The following ACADL variants were observed in gnomAD, a reference collection of about 807,000 sequenced individuals.
ACADL encodes the protein acyl-CoA dehydrogenase long chain, also known as long-chain specific acyl-CoA dehydrogenase, mitochondrial.
In ACADL, 60 loss-of-function variants were observed where a neutral mutation model predicts 56.9. The ratio of observed to expected loss-of-function variants is 1.05; its 90% CI spans 0.86 to 1.31. The LOEUF is 1.31. Among genes scored for constraint, ACADL ranks in the 50% most tolerant of loss-of-function variants. The pLI is 0.00. For missense variants in ACADL, 484 were observed against 525.5 expected (o/e 0.92, Z 0.77); for synonymous variants, 158 against 179.7 (o/e 0.88, Z 0.97).
chr2:210,220,597 C>T (rs775208248), intron 2 of ACADL, 50 bp downstream of exon 2: 2 of 1,557,322 alleles, frequency 1.3e-6, no homozygotes, highest in East Asian at 2.3e-5. Flanking sequence ...AGGAAATGGT[C>T]CTATAATACC....
At chr2:210,200,882 A>G (rs1216943330) in intron 8 of ACADL, among the ~76,000 whole-genome samples, 1 of 152,200 alleles carries the variant, frequency 6.6e-6, no homozygotes, top group Non-Finnish European at 1.5e-5. Context: ...GATAACAGCT[A>G]ATTTTAATGT....
chr2:210,210,995 C>G (rs981503550), intron 4 of ACADL, among the ~76,000 whole-genome samples: 54 of 151,692 alleles, frequency 3.6e-4, no homozygotes, highest in African/African-American at 1.2e-3. Context: ...CAAACCTGCT[C>G]TAAGTGTAGA....
At position 210,225,428 on chromosome 2, in the gene ACADL, G is replaced by T; in HGVS notation, c.-165C>A. 2 of 694,768 alleles carry T rather than the reference G, an allele frequency of 2.9e-6. No individual in the cohort carries two copies. The highest frequency in any genetic ancestry group is 2.3e-6 in the Non-Finnish European group (1 of 429,768). 43.0% of individuals were successfully genotyped at this position (694,768 alleles called of 1,614,324 possible). ...CTTCCGGAGCCCCAACCACGCCACA[G>T]GCTGGTCGCGAGGGAATACGCCCGT... On this transcript the variant is annotated 5_prime_UTR_variant, in exon 1 of 11. It adds an upstream start codon to the 5' untranslated region. Transcript: ENST00000233710.
intron 3 of ACADL, 145 bp from the exon 4 acceptor site, chr2:210,216,656 T>G (rs921638080): frequency 6.3e-6 from 5 of 787,412 alleles, no homozygotes; most frequent in Non-Finnish European, 8.0e-6. Context: ...GTGTTTTCTC[T>G]TTTTGTTTTT....
chr2:210,193,048 C>T (rs1308258924), intron 9 of ACADL, among the ~76,000 whole-genome samples, 158 bp from the exon 10 acceptor site: 10 of 152,170 alleles, frequency 6.6e-5, no homozygotes, highest in Non-Finnish European at 1.5e-4. Flanking sequence ...ATAAAAATTA[C>T]ATATGAAATA....
At chr2:210,204,469 C>A in intron 7 of ACADL, 112 bp downstream of exon 7, 1 of 808,636 alleles carries the variant, frequency 1.2e-6, no homozygotes, top group Admixed American at 2.1e-5. Context: ...AGCTATTTCA[C>A]AAGTTTTGCA....
intron 9 of ACADL, 68 bp from the exon 10 acceptor site, chr2:210,192,958 C>T (rs1394735144): frequency 8.5e-7 from 1 of 1,180,104 alleles, no homozygotes; most frequent in Non-Finnish European, 1.3e-6. Flanking sequence ...GCTTCAAAAC[C>T]AGAAAACTAA....
intron 5 of ACADL, among the ~76,000 whole-genome samples, chr2:210,207,645 C>T (rs1419180344): frequency 6.6e-6 from 1 of 152,130 alleles, no homozygotes. Flanking sequence ...CTGTTTTTAT[C>T]TCTCTCTCTT....
chr2:210,191,031 C>T (rs1187545718), intron 10 of ACADL, among the ~76,000 whole-genome samples: 1 of 151,850 alleles, frequency 6.6e-6, no homozygotes, highest in Admixed American at 6.6e-5. Flanking sequence ...ATTCTCATGC[C>T]TCTGGAGTAG....
chr2:210,222,951 A>G (rs952358715), intron 1 of ACADL, among the ~76,000 whole-genome samples: 2 of 152,230 alleles, frequency 1.3e-5, no homozygotes, highest in African/African-American at 4.8e-5. Context: ...AGTTTCCCTC[A>G]GGAAAAAAAT....
intron 4 of ACADL, among the ~76,000 whole-genome samples, chr2:210,212,700 C>T (rs1025462800): frequency 2.0e-5 from 3 of 152,194 alleles, no homozygotes; most frequent in Admixed American, 2.0e-4. Context: ...TCCCACCTAC[C>T]ACACTTATCT....
intron 4 of ACADL, among the ~76,000 whole-genome samples, chr2:210,212,149 TA>T (rs1309189171): frequency 3.4e-5 from 5 of 146,736 alleles, no homozygotes; most frequent in South Asian, 4.4e-4. Context: ...TTTTTTTTTT[TA>T]AATCACTCTC....
intron 5 of ACADL, among the ~76,000 whole-genome samples, chr2:210,208,143 C>T (rs1688919782): frequency 6.6e-6 from 1 of 152,186 alleles, no homozygotes; most frequent in African/African-American, 2.4e-5. Flanking sequence ...CATCACACAG[C>T]ATCCAGGAAT....
At chr2:210,216,690 C>T (rs1689092369) in intron 3 of ACADL, 179 bp from the exon 4 acceptor site, 1 of 594,050 alleles carries the variant, frequency 1.7e-6, no homozygotes, top group Non-Finnish European at 2.9e-6. Flanking sequence ...TTTCTGGTTC[C>T]AACACAATAA....
At chr2:210,215,944 A>G (rs1689078909) in intron 4 of ACADL, among the ~76,000 whole-genome samples, 1 of 152,200 alleles carries the variant, frequency 6.6e-6, no homozygotes, top group Non-Finnish European at 1.5e-5. Context: ...CCAGCAAATA[A>G]CTGAATATGT....
At position 210,225,411 on chromosome 2, in the gene ACADL, GC is replaced by G; in HGVS notation, c.-149del. 1.2e-6 allele frequency: 1 copy of G among 820,526 alleles called. No individual in the cohort carries two copies. Among genetic ancestry groups the G allele is most frequent in the Non-Finnish European group, 1.9e-6 (1 of 539,246 alleles). 50.8% of individuals were successfully genotyped at this position (820,526 alleles called of 1,614,324 possible). ...AAGCGCTCGCGCGCGCCCTTCCGGAGCCCCAACCACGCCACAGGCTGGTCGC... is the reference window on the plus strand; with the variant it reads ...AAGCGCTCGCGCGCGCCCTTCCGGAGCCCAACCACGCCACAGGCTGGTCGC... On this transcript the variant is annotated 5_prime_UTR_variant, in exon 1 of 11. Transcript: ENST00000233710.
chr2:210,223,055 C>G (rs940899534), intron 1 of ACADL, among the ~76,000 whole-genome samples: 1 of 152,114 alleles, frequency 6.6e-6, no homozygotes, highest in African/African-American at 2.4e-5. Flanking sequence ...TCGAGTCTTA[C>G]TGGATCTTAA....
chr2:210,211,550 TATC>T (rs916297718), intron 4 of ACADL, among the ~76,000 whole-genome samples: 2 of 152,140 alleles, frequency 1.3e-5, no homozygotes, highest in African/African-American at 2.4e-5. Context: ...GTGAGTTACT[TATC>T]ATGAGATTTG....
chr2:210,216,563 G>A (rs753219608), intron 3 of ACADL, 52 bp from the exon 4 acceptor site: 9 of 1,521,810 alleles, frequency 5.9e-6, no homozygotes, highest in Non-Finnish European at 8.1e-6. Context: ...AATAAAAAAC[G>A]ACTATTATAA....
Sources: gnomAD v4.1 joint callset for allele counts (sites outside exome capture counted in the v4.1 genomes callset) on GRCh38, gnomAD v4.1.1 for gene constraint, MANE v1.5 for transcripts, NCBI Gene and HGNC (gene_info 2026-07-23, HGNC 2026-07-21) for gene names.